The following INPP4A variants were observed in gnomAD, a reference collection of about 807,000 sequenced individuals.
INPP4A encodes inositol polyphosphate-4-phosphatase, type I, 107kD.
In INPP4A, 33 loss-of-function variants were observed where a neutral mutation model predicts 119.8. The ratio of observed to expected loss-of-function variants is 0.28; its 90% CI spans 0.21 to 0.37. The LOEUF is 0.37. INPP4A is among the 10% of genes least tolerant of loss of function. The pLI is 1.00. For missense variants in INPP4A, 956 were observed against 1,289.9 expected, an observed-to-expected ratio of 0.74 and a Z score of 3.97; for synonymous variants, 496 against 500.7, an observed-to-expected ratio of 0.99 and a Z score of 0.12.
intron 6 of INPP4A, 61 bp from the exon 7 acceptor site, chr2:98,536,068 G>A (rs1044704318): frequency 7.2e-5 from 76 of 1,056,912 alleles, no homozygotes; most frequent in Non-Finnish European, 1.0e-4. Context: ...TGGGGCCATG[G>A]TAATTGCATC....
At chr2:98,498,831 G>A (rs1342209816) in intron 1 of INPP4A, among the ~76,000 whole-genome samples, 1 of 152,252 alleles carries the variant, frequency 6.6e-6, no homozygotes, top group East Asian at 1.9e-4. Context: ...AAAAGGCCAT[G>A]TGAGGACACA....
chr2:98,468,734 A>G (rs902508760), intron 1 of INPP4A, among the ~76,000 whole-genome samples: 2 of 152,284 alleles, frequency 1.3e-5, no homozygotes, highest in East Asian at 3.9e-4. Context: ...AAGGATGATG[A>G]TAGAAGTCGA....
At chr2:98,543,852 T>C in intron 10 of INPP4A, 25 bp from the exon 11 acceptor site, 1 of 1,612,748 alleles carries the variant, frequency 6.2e-7, no homozygotes, top group Non-Finnish European at 8.5e-7. Context: ...GCCCACAGCC[T>C]GATGCATCTG....
At chr2:98,517,320 C>A (rs1686335682) in intron 1 of INPP4A, among the ~76,000 whole-genome samples, 2 of 152,272 alleles carry the variant, frequency 1.3e-5, no homozygotes, top group South Asian at 4.1e-4. Flanking sequence ...TGTTCTAAAC[C>A]TTCTCTACAG....
intron 4 of INPP4A, among the ~76,000 whole-genome samples, chr2:98,522,616 AAG>A (rs1458828892): frequency 6.6e-6 from 1 of 152,150 alleles, no homozygotes; most frequent in Non-Finnish European, 1.5e-5. Context: ...AATGCAAAGA[AAG>A]AGGAAATCTC....
chr2:98,529,099 C>A (rs561200578), intron 4 of INPP4A, among the ~76,000 whole-genome samples: 1 of 150,476 alleles, frequency 6.6e-6, no homozygotes, highest in South Asian at 2.1e-4. Flanking sequence ...AAAAAAATTT[C>A]TATTCATCAA....
Position 98,587,859 on chromosome 2 carries a change from C to A in INPP4A, c.*251C>A, listed in dbSNP as rs144608813. The A allele has an allele frequency of 2.5e-5, 9 of 361,886 alleles. No homozygotes were observed. Among genetic ancestry groups the A allele is most frequent in the African/African-American group, 1.9e-4 (9 of 47,458 alleles). 22.4% of individuals were successfully genotyped at this position (361,886 alleles called of 1,614,324 possible). A position where few individuals can be genotyped will look rare whatever the true frequency, so the allele number is the denominator to read the frequency against. ...ACAACTGCCTATTTAAATTAAATAGCCTTTGGCTGTAACTACACAGATCTC... is the reference window on the plus strand; with the variant it reads ...ACAACTGCCTATTTAAATTAAATAGACTTTGGCTGTAACTACACAGATCTC... On this transcript the variant is annotated 3_prime_UTR_variant, in exon 25 of 25. Transcript: ENST00000409851.
At chr2:98,509,867 A>C (rs1055954166) in intron 1 of INPP4A, among the ~76,000 whole-genome samples, 2 of 152,238 alleles carry the variant, frequency 1.3e-5, no homozygotes, top group African/African-American at 2.4e-5. Flanking sequence ...GCTGAGCTGC[A>C]GTTGTAAACT....
intron 1 of INPP4A, among the ~76,000 whole-genome samples, chr2:98,451,368 T>G (rs1435617536): frequency 6.6e-6 from 1 of 152,134 alleles, no homozygotes; most frequent in Non-Finnish European, 1.5e-5. Context: ...GGGATCATGC[T>G]CTGGTGAGGT....
chr2:98,479,864 A>C (rs1166714570), intron 1 of INPP4A, among the ~76,000 whole-genome samples: 1 of 152,162 alleles, frequency 6.6e-6, no homozygotes, highest in Non-Finnish European at 1.5e-5. Context: ...TACAGGGGTC[A>C]GCTCTCCCTT....
chr2:98,470,606 C>T (rs1675798392), intron 1 of INPP4A, among the ~76,000 whole-genome samples: 1 of 151,878 alleles, frequency 6.6e-6, no homozygotes, highest in Non-Finnish European at 1.5e-5. Flanking sequence ...TTGGTGTGAC[C>T]TCTGGTTAGA....
At chr2:98,491,288 C>T (rs1055507515) in intron 1 of INPP4A, among the ~76,000 whole-genome samples, 2 of 152,224 alleles carry the variant, frequency 1.3e-5, no homozygotes, top group African/African-American at 4.8e-5. Context: ...TGCTCCCTGA[C>T]CCGAGGGTCT....
At chr2:98,537,492 G>C (rs1203713213) in intron 7 of INPP4A, among the ~76,000 whole-genome samples, 2 of 152,226 alleles carry the variant, frequency 1.3e-5, no homozygotes, top group Non-Finnish European at 2.9e-5. Flanking sequence ...CCAGAACAAG[G>C]TGTTCTGTAG....
chr2:98,564,458 T>G (rs931432672), intron 18 of INPP4A, among the ~76,000 whole-genome samples, 182 bp from the exon 19 acceptor site: 2 of 152,184 alleles, frequency 1.3e-5, no homozygotes, highest in Non-Finnish European at 2.9e-5. Flanking sequence ...AGCCCACTGT[T>G]GGGCGTCTTC....
chr2:98,444,821 G>A, upstream of INPP4A: 1 of 152,134 alleles, frequency 6.6e-6, no homozygotes, highest in Non-Finnish European at 1.5e-5. Context: ...GCGCATGCGC[G>A]ACAAGGGGGC....
At chr2:98,503,784 T>A (rs1183478414) in intron 1 of INPP4A, among the ~76,000 whole-genome samples, 6 of 152,222 alleles carry the variant, frequency 3.9e-5, no homozygotes, top group Non-Finnish European at 8.8e-5. Context: ...TGACAGAGAC[T>A]CCTTCTCCTG....
At chr2:98,457,978 A>ATTT (rs766066774) in intron 1 of INPP4A, among the ~76,000 whole-genome samples, 3 of 137,146 alleles carry the variant, frequency 2.2e-5, no homozygotes, top group South Asian at 2.3e-4. Flanking sequence ...TTAAACAAAA[A>ATTT]TTTTTTTTTT....
At chr2:98,450,101 A>T (rs1694959813) in intron 1 of INPP4A, among the ~76,000 whole-genome samples, 1 of 150,884 alleles carries the variant, frequency 6.6e-6, no homozygotes, top group African/African-American at 2.4e-5. Context: ...TGCTTTTTTA[A>T]TTTTTTTTTA....
chr2:98,446,882 GAAATA>G (rs1459990929), intron 1 of INPP4A, among the ~76,000 whole-genome samples: 2 of 152,150 alleles, frequency 1.3e-5, no homozygotes, highest in Non-Finnish European at 2.9e-5. Flanking sequence ...AAGGAAGGAT[GAAATA>G]AAATAATACA....
Sources: allele counts gnomAD v4.1 joint callset (sites outside exome capture counted in the v4.1 genomes callset), GRCh38; gene constraint gnomAD v4.1.1; transcripts MANE v1.5; gene names NCBI Gene and HGNC (gene_info 2026-07-23, HGNC 2026-07-21).